The following THRB variants were observed in gnomAD, a reference collection of about 807,000 sequenced individuals.
THRB encodes thyroid hormone receptor beta.
A neutral mutation model predicts 47.8 loss-of-function variants in THRB; 12 were observed. The ratio of observed to expected loss-of-function variants is 0.25; its 90% CI spans 0.16 to 0.41. The LOEUF (loss-of-function observed/expected upper bound fraction) is 0.41. Ranked by LOEUF, THRB falls within the 10% of genes least tolerant of loss-of-function variation. The pLI is 1.00. For missense variants in THRB, 348 were observed against 589.2 expected, an observed-to-expected ratio of 0.59 and a Z score of 4.24; for synonymous variants, 218 against 212.2, an observed-to-expected ratio of 1.03 and a Z score of -0.24.
chr3:24,381,498 C>G (rs9852824), intron 1 of THRB, among the ~76,000 whole-genome samples: 2 of 151,844 alleles, frequency 1.3e-5, no homozygotes, highest in African/African-American at 4.8e-5. Flanking sequence ...GAGAATAACT[C>G]CTTGGAAGGT....
intron 2 of THRB, among the ~76,000 whole-genome samples, chr3:24,313,799 A>G (rs1022503941): frequency 1.3e-5 from 2 of 152,102 alleles, no homozygotes; most frequent in Non-Finnish European, 2.9e-5. Context: ...TTTTTAAAAA[A>G]AAAAACAACT....
intron 1 of THRB, among the ~76,000 whole-genome samples, chr3:24,350,649 T>A (rs899018986): frequency 6.6e-6 from 1 of 152,170 alleles, no homozygotes; most frequent in Non-Finnish European, 1.5e-5. Context: ...GTCTCTCCTT[T>A]GGGGACAGGC....
intron 4 of THRB, among the ~76,000 whole-genome samples, chr3:24,204,760 GA>G (rs2045075868): frequency 2.6e-5 from 4 of 152,168 alleles, no homozygotes; most frequent in Non-Finnish European, 5.9e-5. Flanking sequence ...CTTGAAAAAA[GA>G]TTAGACGAAT....
At chr3:24,475,701 C>T (rs910343493) in intron 1 of THRB, among the ~76,000 whole-genome samples, 2 of 152,110 alleles carry the variant, frequency 1.3e-5, no homozygotes, top group Non-Finnish European at 2.9e-5. Context: ...CCAGGTATCT[C>T]ATCTTCACTA....
chr3:24,490,273 C>T (rs994551821), intron 1 of THRB, among the ~76,000 whole-genome samples: 4 of 152,164 alleles, frequency 2.6e-5, no homozygotes, highest in Non-Finnish European at 5.9e-5. Context: ...GTTAACTTGC[C>T]ATCCATTGCT....
chr3:24,226,788 C>T (rs945668997), intron 4 of THRB, among the ~76,000 whole-genome samples: 4 of 152,220 alleles, frequency 2.6e-5, no homozygotes, highest in Admixed American at 2.6e-4. Flanking sequence ...CAAAGCTGAC[C>T]TGCTGCCTGT....
chr3:24,382,335 T>C (rs1046371282), intron 1 of THRB, among the ~76,000 whole-genome samples: 1 of 152,170 alleles, frequency 6.6e-6, no homozygotes, highest in Admixed American at 6.5e-5. Context: ...GGTGACTGTA[T>C]ATTTTTTCTT....
rs746323691 is a variant in THRB, at chr3:24,481,229, GTTTTTT to G, written c.-261+13417_-261+13422del. ...TATATGTGTGGATGCGTTTCTTTCT[GTTTTTT>G]TTTTTTTTTTTTTTTTTTTTTTACG... On this transcript the variant is annotated intron_variant, in intron 1 of 10. Coordinates refer to ENST00000646209, the MANE Select transcript of THRB (RefSeq NM_001354712.2). 2.5e-3 allele frequency among the ~76,000 whole-genome samples: 137 copies of G among 55,362 alleles called. No homozygotes were observed. In the East Asian group the frequency reaches 0.036, roughly 15 times the overall value. 36.3% of individuals were successfully genotyped at this position (55,362 alleles called of 152,430 possible).
At chr3:24,222,979 T>G (rs2047305261) in intron 4 of THRB, among the ~76,000 whole-genome samples, 1 of 152,220 alleles carries the variant, frequency 6.6e-6, no homozygotes, top group African/African-American at 2.4e-5. Context: ...AGAATGGCTA[T>G]GCCAGGAGCG....
chr3:24,180,804 G>T (rs149794933), intron 5 of THRB, among the ~76,000 whole-genome samples: 1 of 152,116 alleles, frequency 6.6e-6, no homozygotes, highest in African/African-American at 2.4e-5. Flanking sequence ...CAGGTGATAC[G>T]GTTCCCCCAT....
intron 1 of THRB, among the ~76,000 whole-genome samples, chr3:24,478,449 A>C (rs1367629520): frequency 6.6e-6 from 1 of 152,214 alleles, no homozygotes; most frequent in African/African-American, 2.4e-5. Flanking sequence ...TTTATTAGCT[A>C]ATTTGCCATA....
At chr3:24,233,536 A>T (rs1218501646) in intron 3 of THRB, among the ~76,000 whole-genome samples, 1 of 118,268 alleles carries the variant, frequency 8.5e-6, no homozygotes, top group Non-Finnish European at 1.8e-5. Context: ...GAAGGAAAAG[A>T]AAGAAAGAGA....
At chr3:24,317,642 A>G (rs543004437) in intron 2 of THRB, among the ~76,000 whole-genome samples, 35 of 152,300 alleles carry the variant, frequency 2.3e-4, no homozygotes, top group African/African-American at 8.4e-4. Flanking sequence ...AACAAAACAA[A>G]ACAAAAACCT....
chr3:24,354,661 C>T (rs1455711736), intron 1 of THRB, among the ~76,000 whole-genome samples: 1 of 152,106 alleles, frequency 6.6e-6, no homozygotes, highest in East Asian at 1.9e-4. Flanking sequence ...TGAGTTTCGG[C>T]TCTGTCTGGA....
chr3:24,216,539 C>T (rs192464860), intron 4 of THRB, among the ~76,000 whole-genome samples: 5 of 152,020 alleles, frequency 3.3e-5, no homozygotes, highest in Admixed American at 2.0e-4. Flanking sequence ...ACCTGGGAGG[C>T]GGAGCTTGCA....
chr3:24,375,661 C>T (rs1451369317), intron 1 of THRB, among the ~76,000 whole-genome samples: 2 of 151,516 alleles, frequency 1.3e-5, no homozygotes, highest in Non-Finnish European at 2.9e-5. Context: ...CAGACTACTA[C>T]TGATAGAAAA....
chr3:24,320,469 T>C (rs2058413101), intron 2 of THRB, among the ~76,000 whole-genome samples: 1 of 152,122 alleles, frequency 6.6e-6, no homozygotes, highest in Non-Finnish European at 1.5e-5. Flanking sequence ...CTGAATGTCC[T>C]AAAGGCCAGT....
intron 1 of THRB, among the ~76,000 whole-genome samples, chr3:24,354,438 C>T (rs909745102): frequency 6.6e-6 from 1 of 152,126 alleles, no homozygotes; most frequent in Non-Finnish European, 1.5e-5. Context: ...AATATGTTTA[C>T]TTTGGAAGAA....
intron 3 of THRB, among the ~76,000 whole-genome samples, chr3:24,242,434 T>A (rs1340461712): frequency 6.6e-6 from 1 of 152,108 alleles, no homozygotes; most frequent in East Asian, 1.9e-4. Flanking sequence ...GTTCTATTCA[T>A]CCCTCTGAAT....
Sources: gnomAD v4.1 joint callset for allele counts (sites outside exome capture counted in the v4.1 genomes callset) on GRCh38, gnomAD v4.1.1 for gene constraint, MANE v1.5 for transcripts, NCBI Gene and HGNC (gene_info 2026-07-23, HGNC 2026-07-21) for gene names.